Variants in C17orf99 observed in about 807,000 individuals in gnomAD.
C17orf99 encodes chromosome 17 open reading frame 99.
In C17orf99, 18 loss-of-function variants were observed where a neutral mutation model predicts 22.6. The observed-to-expected ratio is 0.80, with a 90% CI of 0.55 to 1.18. The LOEUF (loss-of-function observed/expected upper bound fraction) is 1.18. C17orf99 is among the 50% of genes most tolerant of loss of function. The pLI is 0.00. For missense variants in C17orf99, 328 were observed against 342.7 expected (o/e 0.96, Z 0.34); for synonymous variants, 147 against 136.6 (o/e 1.08, Z -0.53).
At chr17:78,160,149 T>A (rs894042588) in intron 2 of C17orf99, 27 of 455,298 alleles carry the variant, frequency 5.9e-5, no homozygotes, top group African/African-American at 5.2e-4. Context: ...AATCAGTATT[T>A]TCTTTCTTTC....
In C17orf99 at chr17:78,165,086, C is replaced by A. The variant is rs192080315; in HGVS notation, c.640+722C>A. The A allele has an allele frequency of 2.2e-4, 228 of 1,050,200 alleles. 2 individuals carry two copies. The Middle Eastern group carries it at 3.6e-3, about 17-fold the overall frequency. 65.1% of individuals were successfully genotyped at this position (1,050,200 alleles called of 1,614,324 possible). ...GTGGTGGCAAGAGCCTGGGGCCCAG[C>A]CTCCCAGGGTCCCCTCTCCAAGGCC... On this transcript the variant is annotated intron_variant, in intron 4 of 4. Coordinates refer to ENST00000340363, the MANE Select transcript of C17orf99 (RefSeq NM_001163075.2).
intron 2 of C17orf99, among the ~76,000 whole-genome samples, chr17:78,147,364 A>G (rs575008257): frequency 6.6e-6 from 1 of 152,094 alleles, no homozygotes; most frequent in Non-Finnish European, 1.5e-5. Context: ...CCGTGAGAGG[A>G]TGGTGAAGTT....
rs1318226608 is a variant in C17orf99, at chr17:78,161,037, A to C, written c.153A>C (p.Ala51=). 2 of 1,551,432 alleles carry C rather than the reference A, an allele frequency of 1.3e-6. No individual in the cohort carries two copies. The highest frequency in any genetic ancestry group is 2.4e-5 in the South Asian group (2 of 84,050). Residue 51 remains alanine (A), a synonymous_variant, in exon 3 of 5, where the codon GCA becomes GCC. Transcript: ENST00000340363. ...GCTGGGTGCTCATAACCTGCTGTGC[A>C]CCCCAGCCACCACCGCCCATCACCT... The part of the protein sequence containing the change: ...KGRWVLITCC[A]PQPPPPITYS...
intron 2 of C17orf99, among the ~76,000 whole-genome samples, chr17:78,152,119 G>A (rs1014554067): frequency 6.6e-6 from 1 of 152,130 alleles, no homozygotes; most frequent in African/African-American, 2.4e-5. Context: ...AATTTTGAGT[G>A]TGCCATCCCA....
chr17:78,146,257 T>C (rs2075436584), upstream of C17orf99: 2 of 623,006 alleles, frequency 3.2e-6, no homozygotes, highest in South Asian at 2.1e-5. This position sits in a 1 kb window ranked among gnomAD's most constrained non-coding sequence, Gnocchi z 5.2. Context: ...GGCCCCGCCC[T>C]GGTAGCTGAG....
intron 2 of C17orf99, among the ~76,000 whole-genome samples, chr17:78,148,458 T>G (rs902858173): frequency 6.6e-6 from 1 of 151,914 alleles, no homozygotes; most frequent in Non-Finnish European, 1.5e-5. Context: ...GTCCGGGAAG[T>G]GAGGCTGCAG....
intron 2 of C17orf99, among the ~76,000 whole-genome samples, chr17:78,150,830 C>T (rs555851910): frequency 5.2e-4 from 79 of 152,152 alleles, no homozygotes; most frequent in Non-Finnish European, 7.4e-4. Flanking sequence ...ACACTCCAAA[C>T]GGCACAGAGG....
upstream of C17orf99, chr17:78,146,265 G>A (rs561458985): frequency 2.0e-3 from 1,292 of 657,948 alleles, 33 homozygotes; most frequent in South Asian, 0.025. The surrounding 1 kb of genome is among the most constrained non-coding windows in gnomAD (Gnocchi z 5.2). Flanking sequence ...CCTGGTAGCT[G>A]AGGCCCTGGG....
chr17:78,157,521 G>A (rs904424102), intron 2 of C17orf99: 38 of 1,112,178 alleles, frequency 3.4e-5, no homozygotes, highest in African/African-American at 1.7e-4. Flanking sequence ...TTTGTAGGCC[G>A]GGCGCGGTGG....
intron 2 of C17orf99, chr17:78,158,305 T>A (rs2075544699): frequency 2.6e-6 from 1 of 390,572 alleles, no homozygotes; most frequent in South Asian, 2.2e-5. Context: ...TACACATTTT[T>A]TTTTTTTGAG....
chr17:78,160,636 G>T, intron 2 of C17orf99: 1 of 379,518 alleles, frequency 2.6e-6, no homozygotes, highest in Non-Finnish European at 4.9e-6. Flanking sequence ...GAGTGCAGTG[G>T]TGTGATCTCG....
At chr17:78,157,340 C>T (rs573821052) in intron 2 of C17orf99, 10 of 738,364 alleles carry the variant, frequency 1.4e-5, no homozygotes, top group South Asian at 4.6e-5. Flanking sequence ...GCGGCGGCGG[C>T]GGCGGCGGTG....
intron 2 of C17orf99, chr17:78,157,481 A>G: frequency 7.8e-7 from 1 of 1,285,424 alleles, no homozygotes; most frequent in Non-Finnish European, 1.1e-6. Context: ...GACCTTCCCA[A>G]TGCAGTCCTC....
In C17orf99 at chr17:78,164,177, C is replaced by T. The variant is rs757939077; in HGVS notation, c.453C>T (p.Ser151=). The change falls in exon 4 of 5, where the codon TCC becomes TCT. Residue 151 remains serine (S), a synonymous_variant. Transcript: ENST00000340363. ...GPRVEMICQA[S]SGSPPITNSL... ...GGGTGGAGATGATCTGCCAGGCGTC[C>T]TCGGGCAGCCCACCTATCACCAACA... The T allele has an allele frequency of 6.4e-6, 10 of 1,551,606 alleles. No individual in the cohort carries two copies. The South Asian group carries it at 1.2e-4, about 18-fold the overall frequency.
upstream of C17orf99, among the ~76,000 whole-genome samples, chr17:78,146,120 C>T (rs1167656343): frequency 1.3e-5 from 2 of 152,136 alleles, no homozygotes; most frequent in Non-Finnish European, 2.9e-5. The surrounding 1 kb of genome is among the most constrained non-coding windows in gnomAD (Gnocchi z 5.2). Flanking sequence ...CCACGTGAGC[C>T]CGGGATCCTG....
intron 4 of C17orf99, 104 bp downstream of exon 4, chr17:78,164,468 G>C: frequency 6.5e-7 from 1 of 1,546,098 alleles, no homozygotes; most frequent in Non-Finnish European, 8.7e-7. Context: ...AGCTCTACCC[G>C]GCCACTGCTG....
At position 78,165,452 on chromosome 17, in the gene C17orf99, GGTGA is replaced by G. The variant is rs138030796; in HGVS notation, c.641-434_641-431del. On this transcript the variant is annotated intron_variant, in intron 4 of 4. Coordinates refer to ENST00000340363, the MANE Select transcript of C17orf99 (RefSeq NM_001163075.2). ...ATGGGGTACAGCCTTCATTTAGTGG[GGTGA>G]GTAAGCCTCATGTCTCTTCTGCTGG... 2,755 of 985,678 alleles carry G rather than the reference GGTGA, an allele frequency of 2.8e-3. 52 individuals carry two copies. In the African/African-American group the frequency reaches 0.04, roughly 14 times the overall value. 61.1% of individuals were successfully genotyped at this position (985,678 alleles called of 1,614,324 possible).
At chr17:78,164,059 C>T in intron 3 of C17orf99, 36 bp from the exon 4 acceptor site, 2 of 1,526,708 alleles carry the variant, frequency 1.3e-6, no homozygotes, top group Non-Finnish European at 1.8e-6. Context: ...TAAAACCGCT[C>T]AGCCATGCCT....
chr17:78,160,555 G>C (rs2075566099), intron 2 of C17orf99, among the ~76,000 whole-genome samples: 1 of 149,986 alleles, frequency 6.7e-6, no homozygotes, highest in Non-Finnish European at 1.5e-5. Flanking sequence ...AAAAGAGAGA[G>C]AGAGAGAGAA....
Sources: allele counts gnomAD v4.1 joint callset (sites outside exome capture counted in the v4.1 genomes callset), GRCh38; gene constraint gnomAD v4.1.1; non-coding constraint Gnocchi (gnomAD v3.1); transcripts MANE v1.5; gene names NCBI Gene and HGNC (gene_info 2026-07-23, HGNC 2026-07-21).